RASAL2: variants seen among roughly 807,000 people sequenced by gnomAD.
The protein encoded by RASAL2 is ras GTPase-activating protein nGAP.
In RASAL2, 58 loss-of-function variants were observed where a neutral mutation model predicts 128.9. The ratio of observed to expected loss-of-function variants is 0.45; its 90% CI spans 0.36 to 0.56. The LOEUF is 0.56. RASAL2 is among the 20% of genes least tolerant of loss of function. RASAL2 has a pLI of 0.00. For missense variants in RASAL2, 1,360 were observed against 1,601.6 expected, an observed-to-expected ratio of 0.85 and a Z score of 2.57; for synonymous variants, 561 against 580.8, an observed-to-expected ratio of 0.97 and a Z score of 0.49.
intron 3 of RASAL2, among the ~76,000 whole-genome samples, chr1:178,358,837 G>T (rs559373589): frequency 1.5e-3 from 234 of 152,252 alleles, no homozygotes; most frequent in African/African-American, 4.9e-3. Context: ...GATGTTCACA[G>T]CAGCACTGAC....
chr1:178,236,998 A>C (rs1664280460), intron 1 of RASAL2, among the ~76,000 whole-genome samples: 1 of 151,962 alleles, frequency 6.6e-6, no homozygotes, highest in Non-Finnish European at 1.5e-5. Flanking sequence ...TTCTGATCTC[A>C]GGTGATCCAC....
At position 178,458,387 on chromosome 1, in the gene RASAL2, G is replaced by A. The variant is rs1677936365; in HGVS notation, c.3095G>A (p.Ser1032Asn). 7 of 1,614,214 alleles carry A rather than the reference G, an allele frequency of 4.3e-6. No individual in the cohort carries two copies. Among genetic ancestry groups the A allele is most frequent in the East Asian group, 2.2e-5 (1 of 44,876 alleles). ...RAKAPPSLPH[S>N]ASLRSTGSMS... ...AAAGCCCCACCATCCCTGCCACACAGTGCTTCTTTACGTAGCACCGGGAGC... is the reference window on the plus strand; with the variant it reads ...AAAGCCCCACCATCCCTGCCACACAATGCTTCTTTACGTAGCACCGGGAGC... The change falls in exon 14 of 18, where the codon AGT becomes AAT. Residue 1032 changes from serine (S) to asparagine (N), a missense_variant. This residue lies in a region of RASAL2 where 741 missense variants were observed against 868.6 expected (regional missense o/e 0.85). Coordinates refer to ENST00000367649, the MANE Select transcript of RASAL2 (RefSeq NM_170692.4).
At chr1:178,121,241 C>T (rs1317100181) in intron 1 of RASAL2, among the ~76,000 whole-genome samples, 1 of 152,056 alleles carries the variant, frequency 6.6e-6, no homozygotes, top group African/African-American at 2.4e-5. Flanking sequence ...CTTAATGTTT[C>T]CTTTCAAAAT....
intron 1 of RASAL2, among the ~76,000 whole-genome samples, chr1:178,232,533 C>T (rs1038978487): frequency 3.3e-5 from 5 of 152,220 alleles, no homozygotes; most frequent in South Asian, 4.1e-4. Context: ...AGCAAATACC[C>T]TCTGCCTCTG....
intron 4 of RASAL2, among the ~76,000 whole-genome samples, chr1:178,401,235 A>AT (rs1673608315): frequency 6.6e-6 from 1 of 152,208 alleles, no homozygotes; most frequent in Non-Finnish European, 1.5e-5. Flanking sequence ...CTTATGCCAT[A>AT]GTTTCTTCAT....
At chr1:178,314,896 G>A (rs1310912094) in intron 3 of RASAL2, among the ~76,000 whole-genome samples, 11 of 146,000 alleles carry the variant, frequency 7.5e-5, no homozygotes, top group Non-Finnish European at 1.4e-4. Context: ...CCACTAACTC[G>A]TCATCTAGCA....
At chr1:178,236,486 T>C (rs1323511736) in intron 1 of RASAL2, among the ~76,000 whole-genome samples, 2 of 152,202 alleles carry the variant, frequency 1.3e-5, no homozygotes, top group Non-Finnish European at 2.9e-5. Context: ...CCAAGTGTTA[T>C]TTTTTATCCA....
At chr1:178,263,679 C>T (rs1357614923) in intron 1 of RASAL2, among the ~76,000 whole-genome samples, 1 of 152,072 alleles carries the variant, frequency 6.6e-6, no homozygotes, top group Admixed American at 6.6e-5. Context: ...CTGAGCCTCC[C>T]TTTGCCAAAC....
chr1:178,324,779 G>A (rs563466883), intron 3 of RASAL2, among the ~76,000 whole-genome samples: 1 of 152,148 alleles, frequency 6.6e-6, no homozygotes, highest in Non-Finnish European at 1.5e-5. Flanking sequence ...GTTTACCAAA[G>A]CCTTTTAAGT....
chr1:178,393,163 C>T (rs1417988931), intron 4 of RASAL2, among the ~76,000 whole-genome samples: 5 of 152,126 alleles, frequency 3.3e-5, no homozygotes, highest in South Asian at 2.1e-4. Flanking sequence ...AATTTTTCCA[C>T]GGACCAGGGT....
chr1:178,295,538 A>C (rs1175051306), intron 2 of RASAL2, among the ~76,000 whole-genome samples: 3 of 151,828 alleles, frequency 2.0e-5, no homozygotes, highest in Non-Finnish European at 2.9e-5. Context: ...GTTATACCTG[A>C]CACTTTGAGA....
intron 3 of RASAL2, among the ~76,000 whole-genome samples, chr1:178,300,496 T>G (rs1185820222): frequency 6.6e-6 from 1 of 152,198 alleles, no homozygotes; most frequent in Non-Finnish European, 1.5e-5. Context: ...GGTTTAGATG[T>G]GTCTTGTTCA....
At chr1:178,247,463 T>C (rs923372510) in intron 1 of RASAL2, among the ~76,000 whole-genome samples, 1 of 152,148 alleles carries the variant, frequency 6.6e-6, no homozygotes, top group African/African-American at 2.4e-5. Flanking sequence ...TTGATTCTTC[T>C]CTCTTATTAG....
rs533261856 is a variant in RASAL2 at position 178,443,351 on chromosome 1, G to A, written c.1482+122G>A. The A allele has an allele frequency of 2.3e-6, 2 of 888,196 alleles. 1 individual carries two copies. Among genetic ancestry groups the A allele is most frequent in the East Asian group, 5.3e-5 (2 of 37,580 alleles). The allele number at this position is 888,196 out of a possible 1,614,324, so 55.0% of individuals were successfully genotyped here. A position where few individuals can be genotyped will look rare whatever the true frequency, so the allele number is the denominator to read the frequency against. On this transcript the variant is annotated intron_variant, in intron 8 of 17. Transcript: ENST00000367649. ...GCTTTACTATTGGTCAAAACAAGAA[G>A]AATTAAGAAGAAAACCTATTAGATC...
intron 5 of RASAL2, among the ~76,000 whole-genome samples, chr1:178,421,279 G>A (rs1239494760): frequency 6.6e-6 from 1 of 152,080 alleles, no homozygotes; most frequent in African/African-American, 2.4e-5. Flanking sequence ...CCATAATTAG[G>A]ACTACTAGCT....
At chr1:178,268,134 A>C (rs978379864) in intron 1 of RASAL2, among the ~76,000 whole-genome samples, 25 of 151,956 alleles carry the variant, frequency 1.6e-4, no homozygotes, top group African/African-American at 6.0e-4. Context: ...TAAGACCAGC[A>C]TGGGCAATAG....
chr1:178,335,598 T>C (rs572817471), intron 3 of RASAL2, among the ~76,000 whole-genome samples: 210 of 152,242 alleles, frequency 1.4e-3, no homozygotes, highest in Middle Eastern at 6.8e-3. Flanking sequence ...CCCTGGCCCC[T>C]CCGTATTCTC....
chr1:178,175,503 G>A (rs542337707), intron 1 of RASAL2, among the ~76,000 whole-genome samples: 27 of 147,362 alleles, frequency 1.8e-4, no homozygotes, highest in Middle Eastern at 3.5e-3. Flanking sequence ...CCAATTAAAC[G>A]TACTTATTTA....
chr1:178,304,424 A>G (rs1212509846), intron 3 of RASAL2, among the ~76,000 whole-genome samples: 2 of 152,132 alleles, frequency 1.3e-5, no homozygotes, highest in African/African-American at 2.4e-5. Context: ...TCTGAAGGCT[A>G]AAGTGGGAGG....
Sources: allele counts gnomAD v4.1 joint callset (sites outside exome capture counted in the v4.1 genomes callset), GRCh38; gene constraint gnomAD v4.1.1; regional missense constraint gnomAD v4.1.1; transcripts MANE v1.5; gene names NCBI Gene and HGNC (gene_info 2026-07-23, HGNC 2026-07-21).